Variants in GPC6 observed in about 807,000 individuals in gnomAD.
GPC6 encodes glypican-6.
A neutral mutation model predicts 55.2 loss-of-function variants in GPC6; 14 were observed. The observed-to-expected ratio is 0.25, with a 90% CI of 0.17 to 0.40. The LOEUF (loss-of-function observed/expected upper bound fraction) is 0.40. Among genes scored for constraint, GPC6 ranks in the 10% least tolerant of loss-of-function variants. The pLI is 1.00. For missense variants in GPC6, 641 were observed against 708.5 expected (o/e 0.90, Z 1.08); for synonymous variants, 278 against 259.6 (o/e 1.07, Z -0.68).
intron 2 of GPC6, among the ~76,000 whole-genome samples, chr13:93,735,196 G>A (rs7330971): frequency 0.96 from 146,057 of 152,246 alleles, 70,107 homozygotes; most frequent in African/African-American, 0.99. Context: ...TAACTATTTC[G>A]TGCATACCTG....
Position 93,743,406 on chromosome 13 carries a change from T to C in GPC6, c.320-86748T>C, listed in dbSNP as rs576375314. On this transcript the variant is annotated intron_variant, in intron 2 of 8. Coordinates refer to ENST00000377047, the MANE Select transcript of GPC6 (RefSeq NM_005708.5). Reference sequence around the variant, plus strand: ...GGCCAATACTATTCATCCTAATAGATAAAAATAACAAATCACTAAATGGAG... The same window carrying C: ...GGCCAATACTATTCATCCTAATAGACAAAAATAACAAATCACTAAATGGAG... 6.6e-5 allele frequency among the ~76,000 whole-genome samples: 10 copies of C among 152,308 alleles called. No individual in the cohort carries two copies. In the East Asian group the frequency reaches 1.9e-3, roughly 29 times the overall value.
At chr13:93,724,740 C>T (rs1352729260) in intron 2 of GPC6, among the ~76,000 whole-genome samples, 1 of 151,930 alleles carries the variant, frequency 6.6e-6, no homozygotes, top group African/African-American at 2.4e-5. Flanking sequence ...GGATCACTTA[C>T]TGAGATTTAT....
intron 3 of GPC6, among the ~76,000 whole-genome samples, chr13:93,853,103 C>T (rs1350545080): frequency 6.6e-6 from 1 of 151,610 alleles, no homozygotes; most frequent in East Asian, 1.9e-4. Context: ...GACATTGTCA[C>T]TAATAATGAA....
In GPC6 at chr13:93,227,443, T is replaced by C; in HGVS notation, c.-14T>C. On this transcript the variant is annotated 5_prime_UTR_variant, in exon 1 of 9. Transcript: ENST00000377047. This position sits in a 1 kb window ranked among gnomAD's most constrained non-coding sequence, Gnocchi z 4.3. ...GGCCGTGGGGTTTACCGAGCTGGAT[T>C]TGTATGTTGCACCATGCCTTCTTGG... 6.2e-7 allele frequency: 1 copy of C among 1,613,206 alleles called. No homozygotes were observed. The highest frequency in any genetic ancestry group is 1.7e-5 in the Admixed American group (1 of 60,004).
At chr13:93,940,137 T>A (rs893807261) in intron 3 of GPC6, among the ~76,000 whole-genome samples, 1 of 152,216 alleles carries the variant, frequency 6.6e-6, no homozygotes, top group African/African-American at 2.4e-5. Flanking sequence ...ATTTGTACAC[T>A]TTTCTTACAT....
chr13:93,495,343 C>T (rs878981187), intron 1 of GPC6, among the ~76,000 whole-genome samples: 1 of 148,788 alleles, frequency 6.7e-6, no homozygotes, highest in African/African-American at 2.5e-5. Context: ...GCATTCTTCA[C>T]GTAGTTCTCG....
At chr13:93,837,341 C>A (rs1887775826) in intron 3 of GPC6, among the ~76,000 whole-genome samples, 1 of 152,154 alleles carries the variant, frequency 6.6e-6, no homozygotes, top group South Asian at 2.1e-4. Flanking sequence ...TCTAAATGTA[C>A]CATGGCTAGA....
intron 1 of GPC6, among the ~76,000 whole-genome samples, chr13:93,425,795 T>A (rs1877103250): frequency 1.3e-5 from 2 of 152,060 alleles, no homozygotes; most frequent in South Asian, 4.1e-4. Flanking sequence ...GTCTCACCCC[T>A]CTCCCAGCTC....
chr13:93,221,138 G>A, the GPC6 span, among the ~76,000 whole-genome samples: 454 of 152,212 alleles, frequency 3.0e-3, 3 homozygotes, highest in African/African-American at 0.01. Flanking sequence ...TTATAGGTGT[G>A]AGCCACTGCA....
intron 1 of GPC6, among the ~76,000 whole-genome samples, chr13:93,272,900 T>C (rs2139055508): frequency 6.6e-6 from 1 of 152,326 alleles, no homozygotes; most frequent in East Asian, 1.9e-4. Context: ...TGCTTCTTTC[T>C]ATTAGGATTT....
chr13:93,941,941 A>G (rs1229172440), intron 3 of GPC6, among the ~76,000 whole-genome samples: 3 of 152,132 alleles, frequency 2.0e-5, no homozygotes, highest in African/African-American at 4.8e-5. Context: ...TTTGACTCTT[A>G]TTATTTGTAG....
chr13:93,414,523 G>T (rs1176923230), intron 1 of GPC6, among the ~76,000 whole-genome samples: 3 of 152,056 alleles, frequency 2.0e-5, no homozygotes, highest in African/African-American at 4.8e-5. Flanking sequence ...TATATATCCA[G>T]AATTTAGAAC....
At chr13:93,376,172 G>A (rs1311404969) in intron 1 of GPC6, among the ~76,000 whole-genome samples, 1 of 151,850 alleles carries the variant, frequency 6.6e-6, no homozygotes, top group East Asian at 1.9e-4. Flanking sequence ...AAGTAGCAAG[G>A]TCAGAGGAGA....
chr13:94,108,697 C>T (rs973214446), intron 4 of GPC6, among the ~76,000 whole-genome samples: 5 of 151,952 alleles, frequency 3.3e-5, no homozygotes, highest in African/African-American at 1.2e-4. Flanking sequence ...AAAAAATTAG[C>T]TGGGCATGGT....
chr13:93,436,460 A>T (rs555920614), intron 1 of GPC6, among the ~76,000 whole-genome samples: 3 of 152,224 alleles, frequency 2.0e-5, no homozygotes, highest in Non-Finnish European at 4.4e-5. Flanking sequence ...TTTTATACGG[A>T]TGGTTAAATG....
rs565847738 is a variant in GPC6, at chr13:93,658,835, CCTT to C, written c.319+113418_319+113420del. ...CATGAAGGATGTAGGTCAGCAATTT[CCTT>C]CTTTTATGATATGATTGTCAGATTT... On this transcript the variant is annotated intron_variant, in intron 2 of 8. Coordinates refer to ENST00000377047, the MANE Select transcript of GPC6 (RefSeq NM_005708.5). Among the ~76,000 whole-genome samples the C allele has an allele frequency of 4.9e-3, 751 of 151,804 alleles. 6 individuals carry two copies. The highest frequency in any genetic ancestry group is 0.017 in the African/African-American group (693 of 41,506).
Position 94,208,779 on chromosome 13 carries a change from A to C in GPC6, c.878-77570A>C, listed in dbSNP as rs2184098. Among the ~76,000 whole-genome samples the C allele has an allele frequency of 3.3e-5, 5 of 149,756 alleles. No homozygotes were observed. In the South Asian group the frequency reaches 1.1e-3, roughly 32 times the overall value. On this transcript the variant is annotated intron_variant, in intron 4 of 8. Coordinates refer to ENST00000377047, the MANE Select transcript of GPC6 (RefSeq NM_005708.5). The stretch of plus-strand genomic sequence containing the variant: ...AAAAAAAAAAAAAAAAAAAAAAAAA[A>C]CAAGCTGGGCCTGGTGATGCTCCCA...
At chr13:93,442,695 T>C (rs1594172724) in intron 1 of GPC6, among the ~76,000 whole-genome samples, 1 of 152,218 alleles carries the variant, frequency 6.6e-6, no homozygotes, top group East Asian at 1.9e-4. Flanking sequence ...AAGCCAGCTA[T>C]ATACATTTTT....
At chr13:93,558,827 G>A in intron 2 of GPC6, among the ~76,000 whole-genome samples, 1 of 152,168 alleles carries the variant, frequency 6.6e-6, no homozygotes, top group East Asian at 1.9e-4. Flanking sequence ...CAGGCATGCG[G>A]TTTAGAGAGC....
Sources: gnomAD v4.1 joint callset for allele counts (sites outside exome capture counted in the v4.1 genomes callset) on GRCh38, gnomAD v4.1.1 for gene constraint, Gnocchi (gnomAD v3.1) non-coding constraint, MANE v1.5 for transcripts, NCBI Gene and HGNC (gene_info 2026-07-23, HGNC 2026-07-21) for gene names.